Variants in ANKRD28 observed in about 807,000 individuals in gnomAD.
ANKRD28 encodes serine/threonine-protein phosphatase 6 regulatory ankyrin repeat subunit A.
A neutral mutation model predicts 126.5 loss-of-function variants in ANKRD28; 44 were observed. The observed-to-expected ratio is 0.35, with a 90% confidence interval of 0.27 to 0.45. ANKRD28 has a LOEUF of 0.45. Among genes scored for constraint, ANKRD28 ranks in the 20% least tolerant of loss-of-function variants. ANKRD28 has a pLI of 1.00. For synonymous variants in ANKRD28, 442 were observed against 468.5 expected (o/e 0.94, Z 0.73); for missense variants, 1,110 against 1,316.6 (o/e 0.84, Z 2.43).
intron 1 of ANKRD28, among the ~76,000 whole-genome samples, chr3:15,811,695 C>T (rs554668087): frequency 1.1e-4 from 16 of 151,912 alleles, no homozygotes; most frequent in African/African-American, 3.1e-4. Context: ...CCTCGTGATC[C>T]GCCCACCTTG....
At chr3:15,798,253 A>C, upstream of ANKRD28, 1 of 786,004 alleles carries the variant, frequency 1.3e-6, no homozygotes. Context: ...GCAAATGTTT[A>C]ACCCTATAAT....
At chr3:15,717,386 T>C (rs2126128562) in intron 8 of ANKRD28, among the ~76,000 whole-genome samples, 1 of 152,234 alleles carries the variant, frequency 6.6e-6, no homozygotes, top group Non-Finnish European at 1.5e-5. Flanking sequence ...GAGATTCAGA[T>C]TACTAACTAA....
chr3:15,835,788 T>A (rs769737701), intron 1 of ANKRD28, among the ~76,000 whole-genome samples: 16 of 152,188 alleles, frequency 1.1e-4, no homozygotes, highest in Non-Finnish European at 1.8e-4. Context: ...CTCTAAAATG[T>A]ATTATTCAGG....
At chr3:15,752,418 G>T (rs185741395) in intron 3 of ANKRD28, among the ~76,000 whole-genome samples, 43 of 152,184 alleles carry the variant, frequency 2.8e-4, no homozygotes, top group African/African-American at 1.0e-3. Flanking sequence ...AATCAATTTT[G>T]TACAGTTGTT....
chr3:15,824,698 CA>C (rs1249653699), intron 1 of ANKRD28, among the ~76,000 whole-genome samples: 1 of 152,170 alleles, frequency 6.6e-6, no homozygotes, highest in Non-Finnish European at 1.5e-5. Context: ...AAAATATTTA[CA>C]AATAATAAAA....
chr3:15,674,430 G>C (rs913301600), intron 27 of ANKRD28, among the ~76,000 whole-genome samples: 2 of 152,230 alleles, frequency 1.3e-5, no homozygotes, highest in African/African-American at 2.4e-5. Context: ...TCAATGGAGA[G>C]AGCATGATGC....
chr3:15,697,289 T>C (rs922742713), intron 14 of ANKRD28: 6 of 153,046 alleles, frequency 3.9e-5, no homozygotes, highest in East Asian at 1.9e-4. Context: ...CAGGGGGAAG[T>C]TCCCAAATTG....
At chr3:15,722,776 A>G (rs2073859399) in intron 7 of ANKRD28, among the ~76,000 whole-genome samples, 1 of 152,194 alleles carries the variant, frequency 6.6e-6, no homozygotes, top group South Asian at 2.1e-4. Context: ...TTTCACAAGA[A>G]GGTAGAACAC....
rs141976352 is a variant in ANKRD28, at chr3:15,857,948, C to A, written c.27+1429G>T. ...GTAAAGGTTACTGGAAAACCCAGAT[C>A]TCGAGTTTCACACTGTTAAGAGTAT... On this transcript the variant is annotated intron_variant, in intron 1 of 27. Coordinates refer to the ANKRD28 transcript ENST00000399451. 9.2e-5 allele frequency among the ~76,000 whole-genome samples: 14 copies of A among 152,338 alleles called. 1 individual carries two copies. Among genetic ancestry groups the A allele is most frequent in the African/African-American group, 3.4e-4 (14 of 41,580 alleles).
In ANKRD28 at chr3:15,850,204, A is replaced by ATATATATATATAT. The variant is rs1553650054; in HGVS notation, c.27+9172_27+9173insATATATATATATA. 2.2e-3 allele frequency among the ~76,000 whole-genome samples: 119 copies of ATATATATATATAT among 54,790 alleles called. 1 individual carries two copies. The highest frequency in any genetic ancestry group is 5.1e-3 in the South Asian group (8 of 1,570). 35.9% of individuals were successfully genotyped at this position (54,790 alleles called of 152,430 possible). On this transcript the variant is annotated intron_variant, in intron 1 of 27. Transcript: ENST00000399451. ...TCTACATGCAATAAAAAAAAAAAAA[A>ATATATATATATAT]ATATATATATATATATATATAGAGA...
rs2067004203 is a variant in ANKRD28, at chr3:15,676,997, A to G, written c.2850T>C (p.Asn950=). The G allele has an allele frequency of 6.2e-7, 1 of 1,613,268 alleles. No individual in the cohort carries two copies. Among genetic ancestry groups the G allele is most frequent in the Non-Finnish European group, 8.5e-7 (1 of 1,179,560 alleles). ...LEKITDRNLI[N]ATNAALQTPL... ...ACGTTTGCAAGGCTGCGTTGGTTGC[A>G]TTGATGAGGTTTCTATCTGTTATCT... The change falls in exon 26 of 28, where the codon AAT becomes AAC. Residue 950 remains asparagine, a synonymous_variant. Coordinates refer to ENST00000683139, the MANE Select transcript of ANKRD28 (RefSeq NM_001349278.2).
intron 12 of ANKRD28, among the ~76,000 whole-genome samples, chr3:15,710,771 A>G (rs1216640745): frequency 1.3e-5 from 2 of 152,064 alleles, no homozygotes; most frequent in Non-Finnish European, 2.9e-5. Context: ...AAATCTTCCA[A>G]TCTCAAACTT....
intron 1 of ANKRD28, among the ~76,000 whole-genome samples, chr3:15,835,927 T>A (rs1432571535): frequency 6.6e-6 from 1 of 152,136 alleles, no homozygotes; most frequent in Non-Finnish European, 1.5e-5. Context: ...AAAATGACAG[T>A]ATAAAAGGCT....
chr3:15,725,808 C>A (rs901981419), intron 6 of ANKRD28, among the ~76,000 whole-genome samples: 5 of 152,136 alleles, frequency 3.3e-5, no homozygotes, highest in African/African-American at 1.2e-4. Flanking sequence ...ATTTGTGAGG[C>A]TGAGGCAGGC....
intron 2 of ANKRD28, among the ~76,000 whole-genome samples, chr3:15,767,034 C>A (rs1053346252): frequency 2.0e-5 from 3 of 152,118 alleles, no homozygotes; most frequent in Non-Finnish European, 4.4e-5. Context: ...TACTTTAAAG[C>A]AATTTTAAGT....
intron 14 of ANKRD28, among the ~76,000 whole-genome samples, chr3:15,705,688 A>C (rs1023617216): frequency 1.3e-5 from 2 of 152,244 alleles, no homozygotes; most frequent in Non-Finnish European, 2.9e-5. Context: ...AATAAAATAC[A>C]CATTACTATT....
intron 1 of ANKRD28, among the ~76,000 whole-genome samples, chr3:15,811,689 G>A (rs929495404): frequency 2.0e-5 from 3 of 151,800 alleles, no homozygotes; most frequent in East Asian, 2.0e-4. Context: ...TCTTGACCTC[G>A]TGATCCGCCC....
At position 15,853,928 on chromosome 3, in the gene ANKRD28, C is replaced by T. The variant is rs1209458131; in HGVS notation, c.27+5449G>A. ...TATGAGAAATATTTTAAGATATACT[C>T]ACTCTCATTCAAACTTTTGCCTAGT... On this transcript the variant is annotated intron_variant, in intron 1 of 27. Coordinates refer to the ANKRD28 transcript ENST00000399451. The surrounding 1 kb of genome is among the most constrained non-coding windows in gnomAD (Gnocchi z 4.2). Among the ~76,000 whole-genome samples the T allele has an allele frequency of 1.3e-5, 2 of 152,172 alleles. No homozygotes were observed. Among genetic ancestry groups the T allele is most frequent in the African/African-American group, 4.8e-5 (2 of 41,434 alleles).
chr3:15,784,501 T>TAAAA (rs74656464), intron 2 of ANKRD28, among the ~76,000 whole-genome samples: 5 of 148,022 alleles, frequency 3.4e-5, no homozygotes, highest in Non-Finnish European at 7.5e-5. Flanking sequence ...GACATTTACT[T>TAAAA]AAAAAAAAAA....
Sources: allele counts gnomAD v4.1 joint callset (sites outside exome capture counted in the v4.1 genomes callset), GRCh38; gene constraint gnomAD v4.1.1; non-coding constraint Gnocchi (gnomAD v3.1); transcripts MANE v1.5; gene names NCBI Gene and HGNC (gene_info 2026-07-23, HGNC 2026-07-21).